Variants in IBTK observed in about 807,000 individuals in gnomAD.
IBTK encodes BTK-binding protein.
Under a neutral mutation model 154.9 loss-of-function variants are expected in IBTK, and 83 were observed. The observed-to-expected ratio is 0.54, with a 90% CI of 0.45 to 0.64. The LOEUF is 0.64. IBTK is among the 30% of genes least tolerant of loss of function. The pLI, the probability that IBTK is intolerant of heterozygous loss-of-function variation, is 0.00. For synonymous variants in IBTK, 515 were observed against 536.1 expected (o/e 0.96, Z 0.54); for missense variants, 1,332 against 1,584.6 (o/e 0.84, Z 2.71).
At chr6:82,229,965 T>G (rs1347122783) in intron 4 of IBTK, among the ~76,000 whole-genome samples, 1 of 152,194 alleles carries the variant, frequency 6.6e-6, no homozygotes, top group East Asian at 1.9e-4. Context: ...TGACTTTTAG[T>G]TTAAAAAATA....
At chr6:82,180,498 C>G (rs1768283265) in intron 26 of IBTK, among the ~76,000 whole-genome samples, 1 of 152,112 alleles carries the variant, frequency 6.6e-6, no homozygotes, top group Non-Finnish European at 1.5e-5. Context: ...GTGATCTGCC[C>G]ACCTCGGCCT....
At chr6:82,201,359 A>T (rs1769203471) in intron 19 of IBTK, 63 bp downstream of exon 19, 1 of 1,150,236 alleles carries the variant, frequency 8.7e-7, no homozygotes, top group African/African-American at 1.6e-5. Context: ...AATAAGTCTG[A>T]TCTAATATAC....
intron 17 of IBTK, among the ~76,000 whole-genome samples, chr6:82,202,889 CAG>C (rs1166846162): frequency 6.6e-6 from 1 of 152,074 alleles, no homozygotes; most frequent in African/African-American, 2.4e-5. Flanking sequence ...CTAAGCAAAA[CAG>C]AATACAGAAG....
chr6:82,198,266 T>A (rs1769074485), intron 21 of IBTK, among the ~76,000 whole-genome samples: 1 of 152,162 alleles, frequency 6.6e-6, no homozygotes, highest in Non-Finnish European at 1.5e-5. Context: ...AGACTGTCTA[T>A]CCATTATTCA....
chr6:82,193,561 A>G (rs185242649), intron 23 of IBTK, among the ~76,000 whole-genome samples: 2 of 152,342 alleles, frequency 1.3e-5, no homozygotes, highest in Admixed American at 1.3e-4. Flanking sequence ...CCAGATGATA[A>G]TATGTCAATT....
chr6:82,234,241 C>T lies in IBTK; in HGVS notation c.336G>A (p.Leu112=), dbSNP rs761372034. 12 of 1,543,402 alleles carry T rather than the reference C, an allele frequency of 7.8e-6. No individual in the cohort carries two copies. In the East Asian group the frequency reaches 2.8e-4, roughly 36 times the overall value. ...ACAAGCCTTCTTTATCTTGAATATACAGACTAACACCATGCTAAAACAAAC... is the reference window on the plus strand; with the variant it reads ...ACAAGCCTTCTTTATCTTGAATATATAGACTAACACCATGCTAAAACAAAC... ...VWSLLKHGVS[L]YIQDKEGLSA... is the part of the protein sequence containing the mutation. Residue 112 remains leucine (L), a synonymous_variant, in exon 3 of 29, where the codon CTG becomes CTA. Transcript: ENST00000306270.
chr6:82,184,279 T>C (rs966467092), intron 25 of IBTK, among the ~76,000 whole-genome samples: 3 of 152,188 alleles, frequency 2.0e-5, no homozygotes, highest in African/African-American at 7.2e-5. Context: ...TGCATAAAAA[T>C]TAACCAGAAT....
At chr6:82,202,744 G>T in intron 17 of IBTK, 99 bp from the exon 18 acceptor site, 1 of 647,392 alleles carries the variant, frequency 1.5e-6, no homozygotes, top group Non-Finnish European at 2.5e-6. Flanking sequence ...TTGAACATTT[G>T]GAATAAAGAA....
chr6:82,224,829 G>T (rs773108418), intron 6 of IBTK, among the ~76,000 whole-genome samples: 4 of 152,122 alleles, frequency 2.6e-5, no homozygotes, highest in Non-Finnish European at 5.9e-5. Flanking sequence ...TTTTCTTATG[G>T]AGGGCCTAAA....
At chr6:82,197,373 A>ATTTTTTTTTTTTTTTTTTTTT (rs11422131) in intron 21 of IBTK, among the ~76,000 whole-genome samples, 2 of 138,402 alleles carry the variant, frequency 1.4e-5, no homozygotes, top group African/African-American at 2.7e-5. Context: ...ATCTTTTTGA[A>ATTTTTTTTTTTTTTTTTTTTT]TTTTTTTTTT....
At chr6:82,247,456 C>T (rs974045615) in intron 1 of IBTK, 106 bp downstream of exon 1, 1 of 396,948 alleles carries the variant, frequency 2.5e-6, no homozygotes, top group Non-Finnish European at 4.4e-6. Flanking sequence ...CCCCGCGCCG[C>T]CGTCCGCAGC....
rs1466132583 is a variant in IBTK at position 82,240,644 on chromosome 6, C to A, written c.-158G>T. On this transcript the variant is annotated 5_prime_UTR_variant, in exon 2 of 29. Coordinates refer to ENST00000306270, the MANE Select transcript of IBTK (RefSeq NM_015525.4). ...CTGACAATAGTATAAAACTATATAT[C>A]TTTATACAATTTTTTGGCACTTAAA... 3 of 562,948 alleles carry A rather than the reference C, an allele frequency of 5.3e-6. No individual in the cohort carries two copies. Among genetic ancestry groups the A allele is most frequent in the African/African-American group, 3.8e-5 (2 of 52,914 alleles). The allele number at this position is 562,948 out of a possible 1,614,324, so 34.9% of individuals were successfully genotyped here.
intron 9 of IBTK, among the ~76,000 whole-genome samples, chr6:82,219,021 C>T (rs1285386381): frequency 6.6e-6 from 1 of 152,258 alleles, no homozygotes; most frequent in East Asian, 1.9e-4. Context: ...GTAAGTGATA[C>T]ACATCCCAAA....
intron 15 of IBTK, 31 bp downstream of exon 15, chr6:82,211,336 C>G: frequency 1.3e-6 from 2 of 1,555,732 alleles, no homozygotes; most frequent in East Asian, 2.2e-5. Context: ...AACATAGTTA[C>G]CAACCTAGGC....
At chr6:82,185,184 G>GAAA (rs1196015823) in intron 25 of IBTK, among the ~76,000 whole-genome samples, 16 of 37,502 alleles carry the variant, frequency 4.3e-4, no homozygotes, top group South Asian at 9.3e-4. Flanking sequence ...CTCTGTCTCA[G>GAAA]AAAAAAAAAA....
In IBTK at chr6:82,207,340, C is replaced by A. The variant is rs1205439040; in HGVS notation, c.2510-2382G>T. On this transcript the variant is annotated intron_variant, in intron 16 of 28. Coordinates refer to ENST00000306270, the MANE Select transcript of IBTK (RefSeq NM_015525.4). Reference sequence around the variant, plus strand: ...TTAAAAAAATTTCCATTTAAAATAGCACTAAAAATTCTTAATAATTTTTAA... The same window carrying A: ...TTAAAAAAATTTCCATTTAAAATAGAACTAAAAATTCTTAATAATTTTTAA... 2.6e-5 allele frequency among the ~76,000 whole-genome samples: 4 copies of A among 152,006 alleles called. No homozygotes were observed. In the East Asian group the frequency reaches 7.7e-4, roughly 29 times the overall value.
At chr6:82,212,625 T>C (rs1769694807) in intron 13 of IBTK, 82 bp downstream of exon 13, 1 of 843,516 alleles carries the variant, frequency 1.2e-6, no homozygotes, top group Non-Finnish European at 2.1e-6. Context: ...TTTTGCTTCA[T>C]ATGTGGGTAA....
chr6:82,226,476 A>T (rs1303027434), intron 5 of IBTK, among the ~76,000 whole-genome samples: 1 of 149,558 alleles, frequency 6.7e-6, no homozygotes, highest in Non-Finnish European at 1.5e-5. Context: ...CACAAATATA[A>T]ATTTTGTGAC....
At position 82,227,211 on chromosome 6, in the gene IBTK, C is replaced by T; in HGVS notation, c.635G>A (p.Gly212Glu). 6.2e-7 allele frequency: 1 copy of T among 1,609,782 alleles called. No homozygotes were observed. Among genetic ancestry groups the T allele is most frequent in the Non-Finnish European group, 8.5e-7 (1 of 1,176,534 alleles). Reference sequence around the variant, plus strand: ...AATTACCAAGCATGTCTGTTCATCTCCATGTCCTAATCGCCCTCCAGGACC... The same window carrying T: ...AATTACCAAGCATGTCTGTTCATCTTCATGTCCTAATCGCCCTCCAGGACC... Reference protein sequence around the residue: ...GHGPGGRLGHGDEQTCLVPRL... With the variant: ...GHGPGGRLGHEDEQTCLVPRL... The change falls in exon 5 of 29, where the codon GGA becomes GAA. Residue 212 changes from glycine to glutamate, a missense_variant. Gly to Glu is a moderately conservative substitution (Grantham distance 98). Around this residue, in one of 3 missense-constraint regions of IBTK, gnomAD observed 114 missense variants for 213.7 expected, o/e 0.53. Coordinates refer to ENST00000306270, the MANE Select transcript of IBTK (RefSeq NM_015525.4).
Sources: allele counts gnomAD v4.1 joint callset (sites outside exome capture counted in the v4.1 genomes callset), GRCh38; gene constraint gnomAD v4.1.1; regional missense constraint gnomAD v4.1.1; transcripts MANE v1.5; gene names NCBI Gene and HGNC (gene_info 2026-07-23, HGNC 2026-07-21).